Variants in TDRD12 observed in about 807,000 individuals in gnomAD.
TDRD12 encodes putative ATP-dependent RNA helicase TDRD12.
Under a neutral mutation model 133.5 loss-of-function variants are expected in TDRD12, and 158 were observed. The observed-to-expected ratio is 1.18, with a 90% CI of 1.04 to 1.35. TDRD12 has a LOEUF of 1.35. Among genes scored for constraint, TDRD12 ranks in the 40% most tolerant of loss-of-function variants. The probability of loss-of-function intolerance (pLI) is 0.00; values close to 1 mark genes in which losing one functional copy is unlikely to be tolerated. For missense variants in TDRD12, 1,443 were observed against 1,321.3 expected (o/e 1.09, Z -1.43); for synonymous variants, 460 against 477.9 (o/e 0.96, Z 0.49).
chr19:32,800,173 G>A (rs1242038493), exon 17 of TDRD12: 2 of 1,469,844 alleles, frequency 1.4e-6, no homozygotes, highest in African/African-American at 1.4e-5. Flanking sequence ...TCAGATGTTT[G>A]CTATATTAGA....
chr19:32,782,430 T>C (rs1237362182), intron 11 of TDRD12, among the ~76,000 whole-genome samples: 4 of 152,212 alleles, frequency 2.6e-5, no homozygotes, highest in South Asian at 2.1e-4. Context: ...TAAACATACA[T>C]GTGCATGTGT....
chr19:32,807,486 G>A, intron 21 of TDRD12, 63 bp from the exon 22 acceptor site: 2 of 1,171,556 alleles, frequency 1.7e-6, no homozygotes, highest in Non-Finnish European at 1.2e-6. Flanking sequence ...TCTGAAGAAA[G>A]CGTTAAAATT....
chr19:32,740,339 T>C (rs1599842668), intron 3 of TDRD12, among the ~76,000 whole-genome samples: 3 of 135,486 alleles, frequency 2.2e-5, no homozygotes, highest in Admixed American at 2.2e-4. Context: ...ATCTCCTGGG[T>C]GCTCTCTGCA....
chr19:32,822,746 C>CAAAAAAA (rs61143161), downstream of TDRD12, among the ~76,000 whole-genome samples: 1 of 139,818 alleles, frequency 7.2e-6, no homozygotes, highest in Non-Finnish European at 1.5e-5. Context: ...GACTCCATCT[C>CAAAAAAA]AAAAAAAAAA....
intron 8 of TDRD12, among the ~76,000 whole-genome samples, chr19:32,771,783 C>T (rs1212963676): frequency 6.6e-6 from 1 of 152,112 alleles, no homozygotes; most frequent in Non-Finnish European, 1.5e-5. Flanking sequence ...CAGAAGACCA[C>T]GTGACATGCA....
rs568379953 is a variant in TDRD12 at position 32,727,039 on chromosome 19, T to C, written c.25-4686T>C. On this transcript the variant is annotated intron_variant, in intron 1 of 27. Coordinates refer to ENST00000444215, the Ensembl canonical transcript of TDRD12. The stretch of plus-strand genomic sequence containing the variant: ...CATTTTCCACAGCAGCTATGCCGTT[T>C]TACATTCATACCAACAGTGCACAAT... Among the ~76,000 whole-genome samples, 98 of 152,338 alleles carry C rather than the reference T, an allele frequency of 6.4e-4. 1 individual carries two copies. The highest frequency in any genetic ancestry group is 1.0e-3 in the Non-Finnish European group (71 of 68,030).
chr19:32,743,674 T>C (rs57353355), intron 4 of TDRD12, among the ~76,000 whole-genome samples: 7 of 151,494 alleles, frequency 4.6e-5, no homozygotes, highest in African/African-American at 1.2e-4. Flanking sequence ...CACACACTTA[T>C]CTATGTGGAG....
intron 10 of TDRD12, among the ~76,000 whole-genome samples, chr19:32,774,107 A>G (rs58026555): frequency 0.11 from 16,356 of 152,276 alleles, 1,100 homozygotes; most frequent in Middle Eastern, 0.17. Context: ...TTCAAGATAC[A>G]TGTCAGTGAC....
downstream of TDRD12, among the ~76,000 whole-genome samples, chr19:32,823,973 A>G (rs1465121002): frequency 6.6e-6 from 1 of 152,176 alleles, no homozygotes; most frequent in Non-Finnish European, 1.5e-5. Context: ...TAGCCCTTGG[A>G]GGACATGCAG....
chr19:32,756,972 C>G, intron 7 of TDRD12, 66 bp from the exon 8 acceptor site: 2 of 1,340,394 alleles, frequency 1.5e-6, no homozygotes, highest in Admixed American at 4.0e-5. Flanking sequence ...AATGTACTAA[C>G]GAGTTCACAT....
chr19:32,796,478 G>A lies in TDRD12; in HGVS notation c.1474-1257G>A, dbSNP rs184863092. Among the ~76,000 whole-genome samples, 108 of 152,040 alleles carry A rather than the reference G, an allele frequency of 7.1e-4. 2 individuals are homozygous for A. The South Asian group carries it at 0.013, about 18-fold the overall frequency. ...CACACGCCTGTAGTTCCAGCTACTC[G>A]AGAGGCTGAGGCAGGAGAATCGCTT... On this transcript the variant is annotated intron_variant, in intron 14 of 27. Coordinates refer to ENST00000444215, the Ensembl canonical transcript of TDRD12.
Position 32,772,750 on chromosome 19 carries a change from C to A in TDRD12, c.866-3C>A, listed in dbSNP as rs1321737440. ...CTTTTTTATTACCATTTTTATTTTG[C>A]AGACAAAGCTGTAAAATGTAATATG... On this transcript the variant is annotated splice_region_variant and splice_polypyrimidine_tract_variant and intron_variant, in intron 8 of 27. Coordinates refer to ENST00000444215, the Ensembl canonical transcript of TDRD12. 1.3e-6 allele frequency: 2 copies of A among 1,483,100 alleles called. No homozygotes were observed. The highest frequency in any genetic ancestry group is 1.4e-5 in the South Asian group (1 of 71,550). 91.9% of individuals were successfully genotyped at this position (1,483,100 alleles called of 1,614,324 possible).
chr19:32,747,826 T>C (rs1376898846), intron 4 of TDRD12, among the ~76,000 whole-genome samples: 3 of 151,994 alleles, frequency 2.0e-5, no homozygotes, highest in Non-Finnish European at 4.4e-5. Context: ...CTGAGCAACA[T>C]AGCTAGACCC....
At chr19:32,790,102 C>G (rs1039077593) in intron 11 of TDRD12, among the ~76,000 whole-genome samples, 1 of 152,136 alleles carries the variant, frequency 6.6e-6, no homozygotes, top group Non-Finnish European at 1.5e-5. Context: ...ATCCTGGAGT[C>G]CCCGCCATGT....
intron 2 of TDRD12, among the ~76,000 whole-genome samples, chr19:32,736,795 C>T (rs1446790095): frequency 1.3e-5 from 2 of 152,216 alleles, no homozygotes; most frequent in Non-Finnish European, 2.9e-5. Flanking sequence ...GTTGAGTTGG[C>T]TGTGGCCTGG....
At chr19:32,780,849 C>G (rs1599576670) in intron 11 of TDRD12, among the ~76,000 whole-genome samples, 1 of 148,328 alleles carries the variant, frequency 6.7e-6, no homozygotes, top group East Asian at 2.0e-4. Context: ...TCTCAAACTT[C>G]TGGCCTCAAG....
chr19:32,774,993 A>AT (rs1970540471), intron 10 of TDRD12, among the ~76,000 whole-genome samples: 1 of 152,164 alleles, frequency 6.6e-6, no homozygotes. Flanking sequence ...TCAAAAAAAA[A>AT]AAAATCATAA....
At chr19:32,816,954 C>T (rs970331961) in intron 26 of TDRD12, among the ~76,000 whole-genome samples, 1 of 152,084 alleles carries the variant, frequency 6.6e-6, no homozygotes. Context: ...GGGAGTAACA[C>T]CACAGCATGC....
At chr19:32,819,563 G>A (rs1199275111) in intron 27 of TDRD12, among the ~76,000 whole-genome samples, 1 of 152,180 alleles carries the variant, frequency 6.6e-6, no homozygotes, top group Non-Finnish European at 1.5e-5. Context: ...CCAGCCCTGT[G>A]TAAAGGCTCC....
Sources: allele counts gnomAD v4.1 joint callset (sites outside exome capture counted in the v4.1 genomes callset), GRCh38; gene constraint gnomAD v4.1.1; transcripts MANE v1.5; gene names NCBI Gene and HGNC (gene_info 2026-07-23, HGNC 2026-07-21).